SCAPER: variants seen among roughly 807,000 people sequenced by gnomAD.
SCAPER encodes S-phase cyclin A associated protein in the ER, also known as S phase cyclin A-associated protein in the endoplasmic reticulum.
In SCAPER, 98 loss-of-function variants were observed where a neutral mutation model predicts 182.2. That is an observed-to-expected ratio of 0.54 (90% CI 0.46 to 0.64). The LOEUF (loss-of-function observed/expected upper bound fraction) is 0.64, where lower values mean the gene tolerates loss of function less well. SCAPER is among the 30% of genes least tolerant of loss of function. The probability of loss-of-function intolerance (pLI) is 0.00; values close to 1 mark genes in which losing one functional copy is unlikely to be tolerated. For missense variants in SCAPER, 1,432 were observed against 1,690.0 expected, an observed-to-expected ratio of 0.85 and a Z score of 2.68; for synonymous variants, 605 against 564.6, an observed-to-expected ratio of 1.07 and a Z score of -1.01.
intron 26 of SCAPER, among the ~76,000 whole-genome samples, chr15:76,413,624 G>A (rs1485339228): frequency 6.6e-6 from 1 of 152,224 alleles, no homozygotes; most frequent in Non-Finnish European, 1.5e-5. Context: ...GGTCAGTTAT[G>A]TTGGCTGTCC....
chr15:76,709,128 C>T (rs2059425834), intron 17 of SCAPER, among the ~76,000 whole-genome samples: 1 of 152,020 alleles, frequency 6.6e-6, no homozygotes, highest in Non-Finnish European at 1.5e-5. Context: ...TTACAAACAA[C>T]TTTATTTTAT....
intron 5 of SCAPER, among the ~76,000 whole-genome samples, chr15:76,825,745 CTTTTG>C (rs1307343901): frequency 6.6e-6 from 1 of 151,976 alleles, no homozygotes; most frequent in Non-Finnish European, 1.5e-5. Flanking sequence ...TCTGTTTTTT[CTTTTG>C]TTTTGTTTTT....
intron 2 of SCAPER, among the ~76,000 whole-genome samples, chr15:76,881,729 A>T (rs191430128): frequency 6.6e-6 from 1 of 152,296 alleles, no homozygotes; most frequent in Non-Finnish European, 1.5e-5. Flanking sequence ...GTGAAGGGAA[A>T]TGGGAAATTA....
chr15:76,696,686 A>G lies in SCAPER; in HGVS notation c.2508+5072T>C, dbSNP rs1236546780. Among the ~76,000 whole-genome samples the G allele has an allele frequency of 2.6e-5, 4 of 152,298 alleles. No homozygotes were observed. The East Asian group carries it at 7.7e-4, about 29-fold the overall frequency. On this transcript the variant is annotated intron_variant, in intron 20 of 31. Coordinates refer to ENST00000563290, the MANE Select transcript of SCAPER (RefSeq NM_020843.4). ...CTATCAGCTTCTTTAGATAGTGTGA[A>G]AACAGGACCACAAAGATATCAAGTA...
chr15:76,609,632 A>G (rs989916589), intron 22 of SCAPER, among the ~76,000 whole-genome samples: 1 of 152,268 alleles, frequency 6.6e-6, no homozygotes, highest in African/African-American at 2.4e-5. Flanking sequence ...TTTCTGCTGT[A>G]TCTGACTCTG....
chr15:76,525,081 G>A (rs1250689960), intron 23 of SCAPER, among the ~76,000 whole-genome samples: 2 of 151,908 alleles, frequency 1.3e-5, no homozygotes, highest in African/African-American at 4.8e-5. Context: ...GATTTTCACG[G>A]GTAGATCAAG....
intron 4 of SCAPER, among the ~76,000 whole-genome samples, chr15:76,847,791 C>T (rs1230267311): frequency 2.0e-5 from 3 of 152,018 alleles, no homozygotes; most frequent in Admixed American, 6.6e-5. Flanking sequence ...TGTGGTGGCA[C>T]ACACCTGTAG....
chr15:76,478,395 T>C (rs2050831543), intron 24 of SCAPER, among the ~76,000 whole-genome samples: 1 of 152,080 alleles, frequency 6.6e-6, no homozygotes, highest in South Asian at 2.1e-4. Context: ...TTTAAAAATA[T>C]ATTGAGACTA....
intron 22 of SCAPER, among the ~76,000 whole-genome samples, chr15:76,583,665 A>G (rs533184859): frequency 6.6e-6 from 1 of 152,344 alleles, no homozygotes; most frequent in Admixed American, 6.5e-5. Context: ...CAGGTATATG[A>G]AAAGGTGCTC....
At chr15:76,654,497 G>C (rs1040597679) in intron 21 of SCAPER, among the ~76,000 whole-genome samples, 1 of 152,038 alleles carries the variant, frequency 6.6e-6, no homozygotes, top group Non-Finnish European at 1.5e-5. Context: ...TGAGGCTACC[G>C]AGAAAAGAGA....
At position 76,593,929 on chromosome 15, in the gene SCAPER, T is replaced by A. The variant is rs1321194367; in HGVS notation, c.2712-19645A>T. Among the ~76,000 whole-genome samples the A allele has an allele frequency of 5.0e-5, 6 of 120,750 alleles. 3 individuals carry two copies. The highest frequency in any genetic ancestry group is 1.2e-4 in the Non-Finnish European group (6 of 49,832). The allele number at this position is 120,750 out of a possible 152,430, so 79.2% of individuals were successfully genotyped here. Reference sequence around the variant, plus strand: ...AGAAGGCCTCTTCTCCTCCAAAGGATCACAGCTCCTTGCCAGCAAGGGAAT... The same window carrying A: ...AGAAGGCCTCTTCTCCTCCAAAGGAACACAGCTCCTTGCCAGCAAGGGAAT... On this transcript the variant is annotated intron_variant, in intron 22 of 31. Transcript: ENST00000563290.
At chr15:76,600,387 ATGTGTGTGTGTG>A (rs60494575) in intron 22 of SCAPER, among the ~76,000 whole-genome samples, 1,511 of 88,700 alleles carry the variant, frequency 0.017, 173 homozygotes, top group African/African-American at 0.038. Flanking sequence ...GTGTGTGTAT[ATGTGTGTGTGTG>A]TGTGTGTGTG....
At chr15:76,786,414 C>A (rs1210437766) in intron 8 of SCAPER, among the ~76,000 whole-genome samples, 1 of 151,200 alleles carries the variant, frequency 6.6e-6, no homozygotes, top group Admixed American at 6.6e-5. Flanking sequence ...TCAACTGATA[C>A]AGGAAAAGCA....
At chr15:76,707,264 G>T (rs531037161) in intron 17 of SCAPER, among the ~76,000 whole-genome samples, 27 of 151,826 alleles carry the variant, frequency 1.8e-4, no homozygotes, top group African/African-American at 6.5e-4. Flanking sequence ...TCAAAATGGC[G>T]GACATAAATT....
chr15:76,618,228 C>T (rs983946239), intron 22 of SCAPER, among the ~76,000 whole-genome samples: 1 of 152,146 alleles, frequency 6.6e-6, no homozygotes, highest in Admixed American at 6.6e-5. Context: ...CCACTACATT[C>T]CAGCCTGGGT....
At chr15:76,897,101 A>G (rs2074481125) in intron 1 of SCAPER, among the ~76,000 whole-genome samples, 1 of 152,208 alleles carries the variant, frequency 6.6e-6, no homozygotes, top group South Asian at 2.1e-4. Flanking sequence ...AAGAGTAAAA[A>G]TATCTACTTT....
intron 22 of SCAPER, 31 bp from the exon 23 acceptor site, chr15:76,574,315 A>C: frequency 6.2e-7 from 1 of 1,603,866 alleles, no homozygotes; most frequent in Non-Finnish European, 8.5e-7. Flanking sequence ...AAAGAATGAC[A>C]TTAATGAAAC....
chr15:76,397,492 T>TG (rs1596431274), intron 27 of SCAPER, among the ~76,000 whole-genome samples: 3 of 145,520 alleles, frequency 2.1e-5, no homozygotes, highest in East Asian at 4.0e-4. Context: ...TTTTTTTTTT[T>TG]TTTTTGAGAC....
At chr15:76,500,141 AAGC>A (rs1250541019) in intron 24 of SCAPER, among the ~76,000 whole-genome samples, 1 of 152,172 alleles carries the variant, frequency 6.6e-6, no homozygotes, top group African/African-American at 2.4e-5. Context: ...AATCAGTAAA[AAGC>A]AGAGTTAAGC....
Sources: gnomAD v4.1 joint callset for allele counts (sites outside exome capture counted in the v4.1 genomes callset) on GRCh38, gnomAD v4.1.1 for gene constraint, MANE v1.5 for transcripts, NCBI Gene and HGNC (gene_info 2026-07-23, HGNC 2026-07-21) for gene names.